KMT2C: variants seen among roughly 807,000 people sequenced by gnomAD.
KMT2C encodes lysine methyltransferase 2C.
Under a neutral mutation model 507.9 loss-of-function variants are expected in KMT2C, and 88 were observed. The observed-to-expected ratio is 0.17, with a 90% CI of 0.15 to 0.21. The LOEUF is 0.21. Ranked by LOEUF, KMT2C falls within the 10% of genes least tolerant of loss-of-function variation. The pLI is 1.00. For synonymous variants in KMT2C, 2,049 were observed against 2,080.8 expected, an observed-to-expected ratio of 0.98 and a Z score of 0.42; for missense variants, 4,954 against 5,957.8, an observed-to-expected ratio of 0.83 and a Z score of 5.55.
At chr7:152,427,476 G>C (rs2097830039) in intron 1 of KMT2C, among the ~76,000 whole-genome samples, 1 of 152,112 alleles carries the variant, frequency 6.6e-6, no homozygotes, top group Non-Finnish European at 1.5e-5. Flanking sequence ...ATGTATCATA[G>C]ACATTCTCCC....
chr7:152,251,852 C>T, intron 11 of KMT2C, 87 bp downstream of exon 11: 1 of 859,988 alleles, frequency 1.2e-6, no homozygotes, highest in Non-Finnish European at 1.7e-6. Context: ...AGGATCCTCT[C>T]TTCCTGATTA....
At chr7:152,191,053 G>A (rs1046549225) in intron 31 of KMT2C, among the ~76,000 whole-genome samples, 12 of 152,136 alleles carry the variant, frequency 7.9e-5, no homozygotes, top group Non-Finnish European at 1.3e-4. Flanking sequence ...TAAATCAGAT[G>A]AGTTAAGCAT....
In KMT2C at chr7:152,194,186, G is replaced by C. The variant is rs200919309; in HGVS notation, c.4540+43C>G. On this transcript the variant is annotated intron_variant, in intron 30 of 58. Coordinates refer to ENST00000262189, the MANE Select transcript of KMT2C (RefSeq NM_170606.3). ...AAAAGACTAGTAGGGTCCTGGTATG[G>C]GGAACGCCATTTTCATTAACTAGAA... 4.6e-5 allele frequency: 72 copies of C among 1,560,284 alleles called. 1 individual carries two copies. The highest frequency in any genetic ancestry group is 3.0e-4 in the South Asian group (25 of 82,506).
At chr7:152,287,074 C>A (rs183593910) in intron 6 of KMT2C, among the ~76,000 whole-genome samples, 9 of 152,354 alleles carry the variant, frequency 5.9e-5, no homozygotes, top group African/African-American at 2.2e-4. Context: ...AGCAGGCCAA[C>A]TGGGACACAG....
intron 6 of KMT2C, among the ~76,000 whole-genome samples, chr7:152,293,909 G>A (rs1232578776): frequency 1.3e-5 from 2 of 152,024 alleles, no homozygotes; most frequent in African/African-American, 4.8e-5. Context: ...CCAGGCTGGA[G>A]TGCAGTGGTG....
At chr7:152,193,661 C>T (rs952598693) in intron 31 of KMT2C, among the ~76,000 whole-genome samples, 1 of 152,104 alleles carries the variant, frequency 6.6e-6, no homozygotes. Context: ...TGAGTACAGG[C>T]AGCCAGGTGA....
intron 3 of KMT2C, among the ~76,000 whole-genome samples, chr7:152,315,989 G>T (rs544057196): frequency 1.2e-4 from 18 of 152,262 alleles, no homozygotes; most frequent in Admixed American, 1.2e-3. Flanking sequence ...TGACAGTTCT[G>T]TAAAACATAT....
Position 152,176,359 on chromosome 7 carries a change from T to C in KMT2C, c.9094A>G (p.Met3032Val), listed in dbSNP as rs2129112902. ...TSSMSGPQQLMIPQTLAQQNR... is the reference protein window; with the variant it reads ...TSSMSGPQQLVIPQTLAQQNR... ...TGCTGTGCTAATGTTTGAGGAATCA[T>C]TAGCTGTTGGGGTCCAGACATGCTA... Residue 3032 changes from methionine (M) to valine (V), a missense_variant, in exon 38 of 59, where the codon ATG becomes GTG. This residue lies in a region of KMT2C where 1,689 missense variants were observed against 1,654.3 expected (regional missense o/e 1.02). Coordinates refer to ENST00000262189, the MANE Select transcript of KMT2C (RefSeq NM_170606.3). 2 of 1,614,158 alleles carry C rather than the reference T, an allele frequency of 1.2e-6. No individual in the cohort carries two copies. Among genetic ancestry groups the C allele is most frequent in the Non-Finnish European group, 1.7e-6 (2 of 1,180,026 alleles).
Position 152,216,440 on chromosome 7 carries a change from G to C in KMT2C, c.3712+4083C>G, listed in dbSNP as rs28428931. Among the ~76,000 whole-genome samples the C allele has an allele frequency of 2.8e-3, 426 of 152,296 alleles. 3 individuals carry two copies. Among genetic ancestry groups the C allele is most frequent in the African/African-American group, 0.01 (418 of 41,550 alleles). On this transcript the variant is annotated intron_variant, in intron 23 of 58. Transcript: ENST00000262189. ...GGAACATCACAGTTTGGATTCTGTA[G>C]ATGTGTGTAATATAATGTGTAATAT... is the stretch of plus-strand genomic sequence containing the variant.
Position 152,205,185 on chromosome 7 carries a change from C to G in KMT2C, c.3882G>C (p.Gly1294=). ...GFMVRQRSRT[G]QGKTKRSVIR... ...TCACAGATCTTTTGGTTTTCCCTTG[C>G]CCAGTTCGACTTCTTTGCCGCACCA... The change falls in exon 25 of 59, where the codon GGG becomes GGC. Residue 1294 remains glycine, a synonymous_variant. Transcript: ENST00000262189. The G allele has an allele frequency of 6.2e-7, 1 of 1,610,926 alleles. No individual in the cohort carries two copies. The highest frequency in any genetic ancestry group is 8.5e-7 in the Non-Finnish European group (1 of 1,178,194).
At position 152,372,835 on chromosome 7, in the gene KMT2C, A is replaced by G. The variant is rs560936354; in HGVS notation, c.162-14160T>C. ...GACAAAAATTAATAAGGAAACACAG[A>G]CTTGAACATTACAGACTAAATGGAC... On this transcript the variant is annotated intron_variant, in intron 1 of 58. Transcript: ENST00000262189. Among the ~76,000 whole-genome samples the G allele has an allele frequency of 5.9e-5, 9 of 152,296 alleles. No homozygotes were observed. In the East Asian group the frequency reaches 1.7e-3, roughly 29 times the overall value.
intron 1 of KMT2C, among the ~76,000 whole-genome samples, chr7:152,434,315 A>C (rs2097894847): frequency 6.6e-6 from 1 of 152,224 alleles, no homozygotes; most frequent in Admixed American, 6.5e-5. Context: ...TGGCAATAAA[A>C]TATGGAGGCA....
At position 152,365,466 on chromosome 7, in the gene KMT2C, G is replaced by T. The variant is rs953211088; in HGVS notation, c.162-6791C>A. ...GGTTGCAGTGAGCAGAAATCGCACCGCTGCACTCCAGCCTGGGCGGCAGAG... is the reference window on the plus strand; with the variant it reads ...GGTTGCAGTGAGCAGAAATCGCACCTCTGCACTCCAGCCTGGGCGGCAGAG... On this transcript the variant is annotated intron_variant, in intron 1 of 58. Coordinates refer to ENST00000262189, the MANE Select transcript of KMT2C (RefSeq NM_170606.3). Among the ~76,000 whole-genome samples the T allele has an allele frequency of 2.6e-4, 40 of 152,162 alleles. 1 individual carries two copies. The highest frequency in any genetic ancestry group is 2.6e-3 in the Admixed American group (40 of 15,274).
chr7:152,171,178 C>G, intron 40 of KMT2C, 86 bp downstream of exon 40: 1 of 843,380 alleles, frequency 1.2e-6, no homozygotes, highest in Non-Finnish European at 1.8e-6. Flanking sequence ...GTACTACTCT[C>G]TAGCAGGGGA....
rs2090865242 is a variant in KMT2C, at chr7:152,144,031, T to C, written c.14343+682A>G. Among the ~76,000 whole-genome samples the C allele has an allele frequency of 6.6e-6, 1 of 152,222 alleles. No individual in the cohort carries two copies. The highest frequency in any genetic ancestry group is 2.4e-5 in the African/African-American group (1 of 41,458). On this transcript the variant is annotated intron_variant, in intron 55 of 58. Coordinates refer to ENST00000262189, the MANE Select transcript of KMT2C (RefSeq NM_170606.3). The surrounding 1 kb of genome is among the most constrained non-coding windows in gnomAD (Gnocchi z 4.4). ...GAACTCGATGATGCTTTAGGTTTAA[T>C]CTGGCAGTACTGAGGCCAATGTACA... is the stretch of plus-strand genomic sequence containing the variant.
chr7:152,176,410 G>A lies in KMT2C; in HGVS notation c.9043C>T (p.Pro3015Ser), dbSNP rs2129113006. The change falls in exon 38 of 59, where the codon CCT becomes TCT. Residue 3015 changes from proline (P) to serine (S), a missense_variant. Pro to Ser is a moderately conservative substitution (Grantham distance 74). Around this residue, in one of 29 missense-constraint regions of KMT2C, gnomAD observed 1,689 missense variants for 1,654.3 expected, o/e 1.02. Transcript: ENST00000262189. ...CTGGTACCAGACTGACTTGTTTGAGGCCCAGTTTGAGTTGCAGGTTTTCCT... is the reference window on the plus strand; with the variant it reads ...CTGGTACCAGACTGACTTGTTTGAGACCCAGTTTGAGTTGCAGGTTTTCCT... ...GTGKPATQTG[P>S]QTSQSGTSSM... 6.2e-7 allele frequency: 1 copy of A among 1,614,124 alleles called. No homozygotes were observed. The highest frequency in any genetic ancestry group is 8.5e-7 in the Non-Finnish European group (1 of 1,180,024).
At chr7:152,275,718 C>A (rs984560586) in intron 6 of KMT2C, among the ~76,000 whole-genome samples, 2 of 152,064 alleles carry the variant, frequency 1.3e-5, no homozygotes, top group South Asian at 2.1e-4. Flanking sequence ...AAATACAACA[C>A]CTCGGTAGTC....
chr7:152,178,015 TAAAAAAAAAA>T lies in KMT2C; in HGVS notation c.7443-15_7443-6del, dbSNP rs746018833. The stretch of plus-strand genomic sequence containing the variant: ...CTACCTCCTGGAAATCCAAATCTTT[TAAAAAAAAAA>T]AAAAAAAAAAAAAAAAAGCAAATAG... On this transcript the variant is annotated splice_polypyrimidine_tract_variant and splice_region_variant and intron_variant, in intron 37 of 58. Transcript: ENST00000262189. 240 of 811,030 alleles carry T rather than the reference TAAAAAAAAAA, an allele frequency of 3.0e-4. 2 individuals are homozygous for T. In the African/African-American group the frequency reaches 4.4e-3, roughly 15 times the overall value. 50.2% of individuals were successfully genotyped at this position (811,030 alleles called of 1,614,324 possible). A position where few individuals can be genotyped will look rare whatever the true frequency, so the allele number is the denominator to read the frequency against.
At chr7:152,358,521 A>G (rs1187913538) in intron 2 of KMT2C, 66 bp downstream of exon 2, 2 of 962,894 alleles carry the variant, frequency 2.1e-6, no homozygotes, top group Non-Finnish European at 3.3e-6. Flanking sequence ...TACAAATGCT[A>G]CATGCAGTGT....
Sources: gnomAD v4.1 joint callset for allele counts (sites outside exome capture counted in the v4.1 genomes callset) on GRCh38, gnomAD v4.1.1 for gene constraint, gnomAD v4.1.1 regional missense constraint, Gnocchi (gnomAD v3.1) non-coding constraint, MANE v1.5 for transcripts, NCBI Gene and HGNC (gene_info 2026-07-23, HGNC 2026-07-21) for gene names.